ORC4: variants seen among roughly 807,000 people sequenced by gnomAD.
ORC4 encodes origin recognition complex, subunit 4 homolog.
ORC4 carries 55 observed loss-of-function variants against 63.9 expected under a neutral mutation model. The ratio of observed to expected loss-of-function variants is 0.86; its 90% confidence interval spans 0.69 to 1.08. The LOEUF (loss-of-function observed/expected upper bound fraction) is 1.08. Among genes scored for constraint, ORC4 ranks in the 50% least tolerant of loss-of-function variants. The probability of loss-of-function intolerance (pLI) is 0.00; values close to 1 mark genes in which losing one functional copy is unlikely to be tolerated. For synonymous variants in ORC4, 150 were observed against 168.5 expected (o/e 0.89, Z 0.85); for missense variants, 511 against 504.4 (o/e 1.01, Z -0.13).
Position 147,957,455 on chromosome 2 carries a change from A to G in ORC4, c.387+843T>C, listed in dbSNP as rs554662824. Among the ~76,000 whole-genome samples the G allele has an allele frequency of 2.6e-5, 4 of 152,002 alleles. No individual in the cohort carries two copies. The East Asian group carries it at 5.8e-4, about 22-fold the overall frequency. ...TGTGTATAATCCACTCCAACTGCAT[A>G]AGCAGTATGAGGCTAGGTAATTTCA... On this transcript the variant is annotated intron_variant, in intron 6 of 13. Coordinates refer to ENST00000392857, the MANE Select transcript of ORC4 (RefSeq NM_181741.4).
At chr2:147,950,489 A>G (rs1185504532) in intron 8 of ORC4, among the ~76,000 whole-genome samples, 1 of 152,178 alleles carries the variant, frequency 6.6e-6, no homozygotes, top group Non-Finnish European at 1.5e-5. Flanking sequence ...ACTTGAGGCC[A>G]GGCGCAGTGG....
intron 4 of ORC4, among the ~76,000 whole-genome samples, chr2:147,971,808 A>C (rs1056575194): frequency 6.6e-6 from 1 of 152,170 alleles, no homozygotes; most frequent in South Asian, 2.1e-4. Flanking sequence ...AAATATGATT[A>C]TATATAAATG....
intron 1 of ORC4, among the ~76,000 whole-genome samples, chr2:148,018,674 A>C (rs1259783940): frequency 2.0e-5 from 3 of 152,262 alleles, no homozygotes; most frequent in African/African-American, 7.2e-5. Context: ...AAAGATACAT[A>C]ATGATATGTA....
chr2:147,947,489 A>T (rs1157116227), intron 9 of ORC4, among the ~76,000 whole-genome samples: 1 of 152,072 alleles, frequency 6.6e-6, no homozygotes, highest in African/African-American at 2.4e-5. Flanking sequence ...GCAAATCTTT[A>T]AAACAACATA....
At chr2:147,969,628 GA>G (rs1308454449) in intron 4 of ORC4, among the ~76,000 whole-genome samples, 4 of 151,112 alleles carry the variant, frequency 2.6e-5, no homozygotes, top group East Asian at 3.9e-4. Context: ...GAGAGAGGGG[GA>G]AAAAACATGA....
chr2:147,953,230 C>T (rs960184639), intron 7 of ORC4, among the ~76,000 whole-genome samples: 3 of 150,052 alleles, frequency 2.0e-5, no homozygotes, highest in African/African-American at 4.9e-5. Flanking sequence ...TCTTGAACTG[C>T]GGAGGCAGAG....
Position 147,932,858 on chromosome 2 carries a change from T to C in ORC4, c.*2652A>G, listed in dbSNP as rs1687845806. 1 of 152,064 alleles carries C rather than the reference T, an allele frequency of 6.6e-6. No individual in the cohort carries two copies. Among genetic ancestry groups the C allele is most frequent in the South Asian group, 2.1e-4 (1 of 4,824 alleles). 9.4% of individuals were successfully genotyped at this position (152,064 alleles called of 1,614,324 possible). ...GATCAGAGTGCGAACCATGGTGAAA[T>C]ATGCATGGAAACTACAGAAAGACTG... On this transcript the variant is annotated 3_prime_UTR_variant, in exon 14 of 14. Coordinates refer to ENST00000392857, the MANE Select transcript of ORC4 (RefSeq NM_181741.4).
chr2:147,944,180 TAGC>T, intron 9 of ORC4, among the ~76,000 whole-genome samples: 1 of 152,186 alleles, frequency 6.6e-6, no homozygotes, highest in South Asian at 2.1e-4. Context: ...AATTAACTGG[TAGC>T]AGAAGAGAAG....
At chr2:148,000,148 A>G (rs1692211218) in intron 1 of ORC4, among the ~76,000 whole-genome samples, 1 of 152,028 alleles carries the variant, frequency 6.6e-6, no homozygotes, top group Non-Finnish European at 1.5e-5. Context: ...AACAAAGGCA[A>G]GAAAATTAAA....
At chr2:147,974,072 C>G (rs1240750227) in intron 2 of ORC4, among the ~76,000 whole-genome samples, 1 of 152,132 alleles carries the variant, frequency 6.6e-6, no homozygotes, top group African/African-American at 2.4e-5. Context: ...ATTTGCTTCT[C>G]CTAGACTGAC....
At chr2:147,939,030 A>T (rs1688218259) in intron 11 of ORC4, 110 bp downstream of exon 11, 1 of 723,368 alleles carries the variant, frequency 1.4e-6, no homozygotes. Flanking sequence ...TGGATACGAA[A>T]GTATTTTATA....
chr2:148,016,793 T>C (rs902910920), intron 1 of ORC4, among the ~76,000 whole-genome samples: 4 of 152,236 alleles, frequency 2.6e-5, no homozygotes, highest in African/African-American at 9.6e-5. Context: ...GTTATAATGA[T>C]TTAAAATTCG....
intron 1 of ORC4, among the ~76,000 whole-genome samples, chr2:147,987,149 C>T (rs1418102915): frequency 1.3e-5 from 2 of 148,840 alleles, no homozygotes; most frequent in Non-Finnish European, 3.0e-5. Context: ...ACACCTTGAG[C>T]AGCTTGAAAC....
intron 6 of ORC4, among the ~76,000 whole-genome samples, 197 bp downstream of exon 6, chr2:147,958,101 C>T (rs1490526736): frequency 6.6e-6 from 1 of 152,064 alleles, no homozygotes; most frequent in Non-Finnish European, 1.5e-5. Context: ...CTATAACCTA[C>T]TATGGAAAAA....
At chr2:148,014,096 T>C (rs1693127641) in intron 1 of ORC4, among the ~76,000 whole-genome samples, 1 of 152,026 alleles carries the variant, frequency 6.6e-6, no homozygotes, top group South Asian at 2.1e-4. Context: ...TGTAATCCTA[T>C]CCTTTGACAG....
intron 1 of ORC4, among the ~76,000 whole-genome samples, chr2:148,006,418 G>A (rs1295106918): frequency 6.6e-6 from 1 of 152,152 alleles, no homozygotes. Flanking sequence ...GCAAGCCTTG[G>A]TACTGCACTG....
intron 1 of ORC4, among the ~76,000 whole-genome samples, chr2:147,987,997 G>A (rs1226699227): frequency 1.3e-5 from 2 of 149,684 alleles, no homozygotes; most frequent in Admixed American, 6.7e-5. Context: ...AGCTTGCAGT[G>A]AGCCAAGATA....
At chr2:147,942,798 AC>A (rs1688437798) in intron 10 of ORC4, among the ~76,000 whole-genome samples, 2 of 152,040 alleles carry the variant, frequency 1.3e-5, no homozygotes, top group Non-Finnish European at 2.9e-5. Context: ...GAAAAAAAAA[AC>A]CGTCACTATT....
chr2:147,995,892 C>T (rs570351752), intron 1 of ORC4, among the ~76,000 whole-genome samples: 3 of 151,960 alleles, frequency 2.0e-5, no homozygotes, highest in East Asian at 1.9e-4. Context: ...CCAGACACAT[C>T]GGGAAGCTGA....
Sources: gnomAD v4.1 joint callset for allele counts (sites outside exome capture counted in the v4.1 genomes callset) on GRCh38, gnomAD v4.1.1 for gene constraint, MANE v1.5 for transcripts, NCBI Gene and HGNC (gene_info 2026-07-23, HGNC 2026-07-21) for gene names.